SEMA3A: variants seen among roughly 807,000 people sequenced by gnomAD.
The protein encoded by SEMA3A is semaphorin-3A.
A neutral mutation model predicts 97.9 loss-of-function variants in SEMA3A; 29 were observed. The ratio of observed to expected loss-of-function variants is 0.30; its 90% CI spans 0.22 to 0.40. SEMA3A has a LOEUF of 0.40. Among genes scored for constraint, SEMA3A ranks in the 10% least tolerant of loss-of-function variants. The pLI, the probability that SEMA3A is intolerant of heterozygous loss-of-function variation, is 1.00. For missense variants in SEMA3A, 763 were observed against 951.3 expected (o/e 0.80, Z 2.60); for synonymous variants, 321 against 323.7 (o/e 0.99, Z 0.09).
chr7:84,110,334 A>G (rs748848791), intron 4 of SEMA3A, 136 bp downstream of exon 4: 11 of 898,626 alleles, frequency 1.2e-5, no homozygotes, highest in Non-Finnish European at 1.9e-5. Flanking sequence ...ATTAAAATTA[A>G]TAACAGCATC....
At chr7:84,395,614 G>A (rs186740798) in intron 1 of SEMA3A, among the ~76,000 whole-genome samples, 54 of 150,048 alleles carry the variant, frequency 3.6e-4, no homozygotes, top group African/African-American at 1.3e-3. Flanking sequence ...ATTGAATCAT[G>A]GGGGTGGTTT....
chr7:84,023,827 G>A (rs924110121), intron 6 of SEMA3A, among the ~76,000 whole-genome samples: 1 of 151,942 alleles, frequency 6.6e-6, no homozygotes, highest in Non-Finnish European at 1.5e-5. Context: ...TGGCTAACAC[G>A]GTGAAACCCC....
At chr7:84,100,612 A>AT (rs1794932389) in intron 4 of SEMA3A, among the ~76,000 whole-genome samples, 1 of 152,086 alleles carries the variant, frequency 6.6e-6, no homozygotes, top group Admixed American at 6.6e-5. Flanking sequence ...CCGAAGTTAG[A>AT]TTTTTGTTTC....
chr7:83,994,880 C>G (rs889073691), intron 12 of SEMA3A, among the ~76,000 whole-genome samples: 1 of 152,174 alleles, frequency 6.6e-6, no homozygotes, highest in Non-Finnish European at 1.5e-5. Flanking sequence ...TTTACCTAAT[C>G]AAGCCTGGGC....
intron 2 of SEMA3A, among the ~76,000 whole-genome samples, chr7:84,348,475 T>G (rs1412532892): frequency 6.6e-6 from 1 of 152,198 alleles, no homozygotes; most frequent in Non-Finnish European, 1.5e-5. Context: ...ATAATTATCT[T>G]TTTCAGAAGA....
intron 1 of SEMA3A, among the ~76,000 whole-genome samples, chr7:84,457,418 T>G (rs1306212656): frequency 6.6e-6 from 1 of 151,878 alleles, no homozygotes; most frequent in East Asian, 1.9e-4. Flanking sequence ...GTGAAAGATT[T>G]GATATTTAGA....
rs913585352 is a variant in SEMA3A, at chr7:84,042,470, G to A, written c.667+3854C>T. Among the ~76,000 whole-genome samples, 6 of 152,066 alleles carry A rather than the reference G, an allele frequency of 3.9e-5. No homozygotes were observed. In the South Asian group the frequency reaches 1.2e-3, roughly 32 times the overall value. ...CCGACTCTGGCTGCCCTTTCACCCT[G>A]ACTCAAATATAATCACTCACAGAGT... On this transcript the variant is annotated intron_variant, in intron 6 of 16. Transcript: ENST00000265362.
At chr7:84,179,035 C>T (rs1797656888) in intron 1 of SEMA3A, among the ~76,000 whole-genome samples, 1 of 152,130 alleles carries the variant, frequency 6.6e-6, no homozygotes, top group Non-Finnish European at 1.5e-5. Context: ...TCTTGACCCA[C>T]TGTGATATCA....
intron 2 of SEMA3A, among the ~76,000 whole-genome samples, chr7:84,357,470 A>C (rs575300682): frequency 1.4e-3 from 218 of 152,086 alleles, no homozygotes; most frequent in African/African-American, 5.0e-3. Flanking sequence ...TGAACTCATC[A>C]TTTTTTATGG....
intron 1 of SEMA3A, among the ~76,000 whole-genome samples, chr7:84,139,294 T>C (rs1459677466): frequency 6.6e-6 from 1 of 152,108 alleles, no homozygotes; most frequent in Non-Finnish European, 1.5e-5. Context: ...GAGGCATTAA[T>C]TCTCTTTGAA....
chr7:84,347,617 G>A (rs1802333489), intron 2 of SEMA3A, among the ~76,000 whole-genome samples: 2 of 151,888 alleles, frequency 1.3e-5, no homozygotes, highest in South Asian at 4.2e-4. Context: ...TCACCACATT[G>A]GCCAGGATGG....
intron 1 of SEMA3A, among the ~76,000 whole-genome samples, chr7:84,138,428 A>G (rs1166997950): frequency 6.6e-6 from 1 of 152,092 alleles, no homozygotes; most frequent in Non-Finnish European, 1.5e-5. Context: ...ATGACTTTCT[A>G]TATCACAGTT....
At chr7:83,992,638 A>T (rs1485457808) in intron 12 of SEMA3A, among the ~76,000 whole-genome samples, 149 of 151,588 alleles carry the variant, frequency 9.8e-4, no homozygotes, top group Non-Finnish European at 1.6e-3. Context: ...TTTGAGTGAG[A>T]TTCTTAATCC....
At chr7:83,985,501 G>C in intron 12 of SEMA3A, 24 bp from the exon 13 acceptor site, 1 of 1,602,000 alleles carries the variant, frequency 6.2e-7, no homozygotes, top group Non-Finnish European at 8.5e-7. Context: ...AGAAATATGT[G>C]AGGTGTTTGG....
At chr7:84,422,951 T>A (rs933728263) in intron 1 of SEMA3A, among the ~76,000 whole-genome samples, 12 of 152,178 alleles carry the variant, frequency 7.9e-5, no homozygotes, top group Middle Eastern at 3.4e-3. Context: ...AACCATGTTA[T>A]GCTCCTTCTT....
intron 3 of SEMA3A, among the ~76,000 whole-genome samples, chr7:84,246,293 C>T (rs1799475372): frequency 6.6e-6 from 1 of 152,172 alleles, no homozygotes; most frequent in African/African-American, 2.4e-5. Flanking sequence ...TAATTTGTTA[C>T]AGCTGCGCCA....
Position 84,129,116 on chromosome 7 carries a change from T to A in SEMA3A, c.333+7A>T, listed in dbSNP as rs1292829129. On this transcript the variant is annotated splice_region_variant and intron_variant, in intron 3 of 16. Transcript: ENST00000265362. The stretch of plus-strand genomic sequence containing the variant: ...CCTGTATAATAATTTAGTAGGTTAA[T>A]GCTTACCAGGATGTCTTTTCCAGCC... 1 of 1,603,562 alleles carries A rather than the reference T, an allele frequency of 6.2e-7. No homozygotes were observed. The highest frequency in any genetic ancestry group is 1.7e-5 in the Admixed American group (1 of 59,996).
At chr7:84,411,470 T>A (rs1804263656) in intron 1 of SEMA3A, among the ~76,000 whole-genome samples, 1 of 151,948 alleles carries the variant, frequency 6.6e-6, no homozygotes. Context: ...TTCCAAAATA[T>A]CAGCCTAACC....
At chr7:84,357,081 T>G (rs1397197572) in intron 2 of SEMA3A, among the ~76,000 whole-genome samples, 1 of 149,392 alleles carries the variant, frequency 6.7e-6, no homozygotes, top group African/African-American at 2.5e-5. Flanking sequence ...TTTTCTCTAA[T>G]TTATGTTGAT....
Sources: gnomAD v4.1 joint callset for allele counts (sites outside exome capture counted in the v4.1 genomes callset) on GRCh38, gnomAD v4.1.1 for gene constraint, MANE v1.5 for transcripts, NCBI Gene and HGNC (gene_info 2026-07-23, HGNC 2026-07-21) for gene names.